Variants in HIP1 observed in about 807,000 individuals in gnomAD.
The protein encoded by HIP1 is huntingtin interacting protein 1.
HIP1 carries 65 observed loss-of-function variants against 147.6 expected under a neutral mutation model. The observed-to-expected ratio is 0.44, with a 90% CI of 0.36 to 0.54. The LOEUF (loss-of-function observed/expected upper bound fraction) is 0.54, where lower values mean the gene tolerates loss of function less well. Ranked by LOEUF, HIP1 falls within the 20% of genes least tolerant of loss-of-function variation. The probability of loss-of-function intolerance (pLI) is 0.00; values close to 1 mark genes in which losing one functional copy is unlikely to be tolerated. For synonymous variants in HIP1, 479 were observed against 504.0 expected, an observed-to-expected ratio of 0.95 and a Z score of 0.67; for missense variants, 1,061 against 1,299.6, an observed-to-expected ratio of 0.82 and a Z score of 2.82.
At chr7:75,664,298 A>G (rs546751043) in intron 1 of HIP1, among the ~76,000 whole-genome samples, 3 of 77,692 alleles carry the variant, frequency 3.9e-5, no homozygotes, top group African/African-American at 1.7e-4. Flanking sequence ...ATATGTATGT[A>G]TATATGTATG....
At chr7:75,712,250 T>C (rs1404565228) in intron 1 of HIP1, among the ~76,000 whole-genome samples, 3 of 152,156 alleles carry the variant, frequency 2.0e-5, no homozygotes, top group Non-Finnish European at 4.4e-5. Context: ...GCTCTTTAAA[T>C]ATCTGTGCCG....
intron 1 of HIP1, among the ~76,000 whole-genome samples, chr7:75,682,748 C>G (rs1020807708): frequency 9.2e-5 from 14 of 152,114 alleles, no homozygotes; most frequent in Non-Finnish European, 2.9e-5. Context: ...TCACCTGCTA[C>G]AAAAACACAC....
intron 1 of HIP1, among the ~76,000 whole-genome samples, chr7:75,686,587 G>C (rs1800268031): frequency 6.6e-6 from 1 of 152,126 alleles, no homozygotes; most frequent in Non-Finnish European, 1.5e-5. Context: ...GCTGGAAGGA[G>C]ATAAGGAAGG....
rs1554488878 is a variant in HIP1, at chr7:75,537,185, C to T, written c.*987G>A. ...AGCATGTGATCAAGTTTTTGAGCCT[C>T]GTCACGGGAACTGGGCTGTGTGAAC... On this transcript the variant is annotated 3_prime_UTR_variant, in exon 31 of 31. Transcript: ENST00000336926. 4.3e-6 allele frequency: 1 copy of T among 232,858 alleles called. No individual in the cohort carries two copies. Among genetic ancestry groups the T allele is most frequent in the Non-Finnish European group, 8.5e-6 (1 of 117,706 alleles). The allele number at this position is 232,858 out of a possible 1,614,324, so 14.4% of individuals were successfully genotyped here.
Position 75,557,854 on chromosome 7 carries a change from T to C in HIP1, c.1465-84A>G, listed in dbSNP as rs1399159161. 2.9e-6 allele frequency: 3 copies of C among 1,034,068 alleles called. No homozygotes were observed. In the African/African-American group the frequency reaches 4.7e-5, roughly 16 times the overall value. 64.1% of individuals were successfully genotyped at this position (1,034,068 alleles called of 1,614,324 possible). ...TTCTAGGACAATCATACTCAGGCTGTGCGTGCCCTAGAGTCAGACACAGGA... is the reference window on the plus strand; with the variant it reads ...TTCTAGGACAATCATACTCAGGCTGCGCGTGCCCTAGAGTCAGACACAGGA... On this transcript the variant is annotated intron_variant, in intron 15 of 30. Coordinates refer to ENST00000336926, the MANE Select transcript of HIP1 (RefSeq NM_005338.7).
chr7:75,736,849 CTT>C (rs112882830), intron 1 of HIP1, among the ~76,000 whole-genome samples: 4 of 145,286 alleles, frequency 2.8e-5, no homozygotes, highest in African/African-American at 5.0e-5. Flanking sequence ...TTTTCTTTTT[CTT>C]TTTTTTTTTT....
At chr7:75,612,786 G>A (rs1797489869) in intron 1 of HIP1, among the ~76,000 whole-genome samples, 1 of 151,874 alleles carries the variant, frequency 6.6e-6, no homozygotes, top group Non-Finnish European at 1.5e-5. Flanking sequence ...TCCAGCCTGG[G>A]CAACAAGAGT....
intron 7 of HIP1, among the ~76,000 whole-genome samples, chr7:75,577,180 A>C (rs977961559): frequency 1.3e-5 from 2 of 152,184 alleles, no homozygotes; most frequent in African/African-American, 4.8e-5. Flanking sequence ...AAAATTAAAA[A>C]ATTAGCTGGG....
At chr7:75,565,312 G>C (rs1795363767) in intron 9 of HIP1, among the ~76,000 whole-genome samples, 1 of 152,194 alleles carries the variant, frequency 6.6e-6, no homozygotes, top group African/African-American at 2.4e-5. Context: ...CAAATGAAAG[G>C]AAATGAAATC....
At chr7:75,577,863 G>C (rs1427393566) in intron 7 of HIP1, among the ~76,000 whole-genome samples, 3 of 152,182 alleles carry the variant, frequency 2.0e-5, no homozygotes, top group African/African-American at 7.2e-5. Flanking sequence ...AGCCGGGCGT[G>C]GTGGCACACA....
At chr7:75,563,515 C>G (rs781807265) in intron 9 of HIP1, 4 of 508,108 alleles carry the variant, frequency 7.9e-6, no homozygotes, top group Non-Finnish European at 1.4e-5. Flanking sequence ...AATCAAAAAG[C>G]TAATTTCTTC....
chr7:75,693,270 G>T (rs1019013133), intron 1 of HIP1, among the ~76,000 whole-genome samples: 3 of 151,958 alleles, frequency 2.0e-5, no homozygotes, highest in South Asian at 2.1e-4. Context: ...GTTTTTCTTG[G>T]AGTAACTCCT....
chr7:75,562,882 C>T, intron 11 of HIP1, 53 bp downstream of exon 11: 2 of 1,598,350 alleles, frequency 1.3e-6, no homozygotes, highest in Non-Finnish European at 1.7e-6. Context: ...AGCCTCTCCC[C>T]TGTACTTGCA....
intron 1 of HIP1, among the ~76,000 whole-genome samples, chr7:75,629,488 T>C (rs1474134198): frequency 6.6e-6 from 1 of 152,180 alleles, no homozygotes; most frequent in Non-Finnish European, 1.5e-5. Flanking sequence ...TAATCATTCA[T>C]GCATTCAGCA....
chr7:75,581,238 T>C lies in HIP1; in HGVS notation c.603A>G (p.Thr201=). Residue 201 remains threonine (T), a splice_region_variant and synonymous_variant, in exon 7 of 31, where the codon ACA becomes ACG. Transcript: ENST00000336926. ...TTAGACGGGAGGGAAGAGACTCACC[T>C]GTTTGGAAGAGGTTGAGTTCACACT... ...YLECELNLFQ[T]VFNSLDMSRS... 1 of 1,608,646 alleles carries C rather than the reference T, an allele frequency of 6.2e-7. No homozygotes were observed.
At chr7:75,722,135 C>T (rs782679709) in intron 1 of HIP1, among the ~76,000 whole-genome samples, 2 of 152,040 alleles carry the variant, frequency 1.3e-5, no homozygotes, top group Admixed American at 6.6e-5. Flanking sequence ...GAGACCCCCC[C>T]ACGTCTCTAA....
At chr7:75,653,589 G>A (rs1799060896) in intron 1 of HIP1, among the ~76,000 whole-genome samples, 1 of 151,592 alleles carries the variant, frequency 6.6e-6, no homozygotes, top group Non-Finnish European at 1.5e-5. Context: ...AGGAGGTTGA[G>A]GCCTTATGCT....
At chr7:75,651,034 C>T (rs1325151387) in intron 1 of HIP1, among the ~76,000 whole-genome samples, 24 of 152,052 alleles carry the variant, frequency 1.6e-4, no homozygotes, top group African/African-American at 5.6e-4. Context: ...TTATTCATCC[C>T]GCACATTTCT....
intron 1 of HIP1, chr7:75,654,456 G>A (rs1584923137): frequency 1.3e-5 from 2 of 152,198 alleles, no homozygotes; most frequent in African/African-American, 4.8e-5. Flanking sequence ...TATGGCTACA[G>A]GTTCTTTCCA....
Sources: allele counts gnomAD v4.1 joint callset (sites outside exome capture counted in the v4.1 genomes callset), GRCh38; gene constraint gnomAD v4.1.1; transcripts MANE v1.5; gene names NCBI Gene and HGNC (gene_info 2026-07-23, HGNC 2026-07-21).